RAP1B: variants seen among roughly 807,000 people sequenced by gnomAD.
RAP1B encodes the protein RAP1B, member of RAS oncogene family.
In RAP1B, 1 loss-of-function variant was observed where a neutral mutation model predicts 27.5. The observed-to-expected ratio is 0.04, with a 90% CI of 0.01 to 0.17. RAP1B has a LOEUF of 0.17. Among genes scored for constraint, RAP1B ranks in the 10% least tolerant of loss-of-function variants. The pLI is 1.00. For synonymous variants in RAP1B, 75 were observed against 73.1 expected, an observed-to-expected ratio of 1.03 and a Z score of -0.13; for missense variants, 84 against 214.8, an observed-to-expected ratio of 0.39 and a Z score of 3.81.
At chr12:68,640,759 C>T (rs1351063454) in intron 1 of RAP1B, among the ~76,000 whole-genome samples, 1 of 152,004 alleles carries the variant, frequency 6.6e-6, no homozygotes, top group Non-Finnish European at 1.5e-5. Flanking sequence ...ATGTTATAGG[C>T]AATCCAGAAT....
chr12:68,615,997 T>C (rs1034896810), intron 1 of RAP1B, among the ~76,000 whole-genome samples: 2 of 151,574 alleles, frequency 1.3e-5, no homozygotes, highest in Non-Finnish European at 2.9e-5. Flanking sequence ...GGAGTCCCAC[T>C]CTGTCGCCCA....
chr12:68,617,270 T>C (rs919045851), intron 1 of RAP1B, among the ~76,000 whole-genome samples: 4 of 152,222 alleles, frequency 2.6e-5, no homozygotes, highest in Admixed American at 6.5e-5. Context: ...TTTGTTACCT[T>C]GTGTTTTAAA....
intron 1 of RAP1B, among the ~76,000 whole-genome samples, chr12:68,644,277 T>G (rs1299291878): frequency 3.3e-5 from 5 of 152,180 alleles, no homozygotes; most frequent in Non-Finnish European, 5.9e-5. Flanking sequence ...CTTACATGTT[T>G]TTGAGCTAGT....
At chr12:68,623,847 C>T (rs1348334671) in intron 1 of RAP1B, among the ~76,000 whole-genome samples, 2 of 152,094 alleles carry the variant, frequency 1.3e-5, no homozygotes, top group Admixed American at 1.3e-4. Context: ...ACGGTGAAAC[C>T]CATCTCTACT....
intron 1 of RAP1B, among the ~76,000 whole-genome samples, chr12:68,612,546 A>G (rs969704322): frequency 6.6e-6 from 1 of 152,236 alleles, no homozygotes; most frequent in Non-Finnish European, 1.5e-5. Context: ...ACAGTAGTCT[A>G]TCCGTAAGAG....
At chr12:68,638,153 C>T (rs1872754746) in intron 1 of RAP1B, among the ~76,000 whole-genome samples, 1 of 152,082 alleles carries the variant, frequency 6.6e-6, no homozygotes, top group Non-Finnish European at 1.5e-5. Context: ...GCTCACTAGT[C>T]CACATTTTTT....
At chr12:68,640,602 A>G (rs1872928949) in intron 1 of RAP1B, among the ~76,000 whole-genome samples, 1 of 152,218 alleles carries the variant, frequency 6.6e-6, no homozygotes, top group African/African-American at 2.4e-5. Flanking sequence ...TGTCCTCAAT[A>G]AATCTCAGCA....
In RAP1B at chr12:68,642,603, T is replaced by C. The variant is rs1873098434; in HGVS notation, c.-26-6096T>C. 3.0e-6 allele frequency: 3 copies of C among 1,016,934 alleles called. No individual in the cohort carries two copies. In the South Asian group the frequency reaches 3.8e-5, roughly 13 times the overall value. The allele number at this position is 1,016,934 out of a possible 1,614,324, so 63.0% of individuals were successfully genotyped here. ...GGGAAAGCTTCGTTCAAGTCCTCAG[T>C]GGTCATCTGATCAAATGGAATTAAG... On this transcript the variant is annotated intron_variant, in intron 1 of 7. Coordinates refer to ENST00000250559, the MANE Select transcript of RAP1B (RefSeq NM_001010942.3).
chr12:68,638,189 C>T (rs1320525685), intron 1 of RAP1B, among the ~76,000 whole-genome samples: 1 of 152,002 alleles, frequency 6.6e-6, no homozygotes, highest in Non-Finnish European at 1.5e-5. Context: ...AGATTTTTTC[C>T]TTGGTAGTCA....
chr12:68,615,120 C>A (rs1245103600), intron 1 of RAP1B, among the ~76,000 whole-genome samples: 1 of 152,184 alleles, frequency 6.6e-6, no homozygotes, highest in African/African-American at 2.4e-5. Context: ...GTATCACTTA[C>A]ATTCCGTATT....
chr12:68,620,411 C>T (rs1021129780), intron 1 of RAP1B, among the ~76,000 whole-genome samples: 8 of 151,746 alleles, frequency 5.3e-5, no homozygotes, highest in Non-Finnish European at 7.4e-5. Context: ...TTAGTAGAGA[C>T]AGGGTTTCAC....
chr12:68,636,077 G>C (rs946535891), intron 1 of RAP1B, among the ~76,000 whole-genome samples: 2 of 151,226 alleles, frequency 1.3e-5, no homozygotes, highest in African/African-American at 4.9e-5. Context: ...TAGAGATGGG[G>C]CTTCACCATA....
intron 4 of RAP1B, among the ~76,000 whole-genome samples, chr12:68,653,526 A>G (rs879525141): frequency 3.9e-5 from 6 of 152,064 alleles, no homozygotes; most frequent in Non-Finnish European, 7.4e-5. Context: ...ATACATGATG[A>G]TGTATTTTAA....
At chr12:68,624,778 GCA>G (rs1871629305) in intron 1 of RAP1B, 1 of 152,420 alleles carries the variant, frequency 6.6e-6, no homozygotes. Context: ...TCGTGCCACT[GCA>G]CTCCAGCCTA....
intron 1 of RAP1B, among the ~76,000 whole-genome samples, chr12:68,616,371 G>A (rs1056678027): frequency 1.3e-5 from 2 of 151,110 alleles, no homozygotes; most frequent in African/African-American, 4.9e-5. Flanking sequence ...CACAGCCTCC[G>A]CCTCCAGGGG....
At chr12:68,639,399 A>C (rs1872839173) in intron 1 of RAP1B, among the ~76,000 whole-genome samples, 1 of 152,120 alleles carries the variant, frequency 6.6e-6, no homozygotes, top group Non-Finnish European at 1.5e-5. Flanking sequence ...CTTAAATTCA[A>C]AGTTAATGTT....
At chr12:68,650,289 T>C in intron 2 of RAP1B, 111 bp from the exon 3 acceptor site, 1 of 1,039,364 alleles carries the variant, frequency 9.6e-7, no homozygotes, top group Non-Finnish European at 1.3e-6. Flanking sequence ...GCTGTGGTTT[T>C]TTTTTTCATT....
At chr12:68,621,242 C>T (rs1252656174) in intron 1 of RAP1B, among the ~76,000 whole-genome samples, 1 of 150,732 alleles carries the variant, frequency 6.6e-6, no homozygotes, top group African/African-American at 2.4e-5. Flanking sequence ...CTTTAGTGCT[C>T]CCTATATTAA....
chr12:68,616,410 G>T (rs1446575843), intron 1 of RAP1B, among the ~76,000 whole-genome samples: 2 of 147,788 alleles, frequency 1.4e-5, no homozygotes, highest in Non-Finnish European at 3.0e-5. Flanking sequence ...TAAGCCTCCC[G>T]AGTAGCTGGG....
Sources: allele counts gnomAD v4.1 joint callset (sites outside exome capture counted in the v4.1 genomes callset), GRCh38; gene constraint gnomAD v4.1.1; transcripts MANE v1.5; gene names NCBI Gene and HGNC (gene_info 2026-07-23, HGNC 2026-07-21).